The following C19orf47 variants were observed in gnomAD, a reference collection of about 807,000 sequenced individuals.
C19orf47 encodes the protein chromosome 19 open reading frame 47.
A neutral mutation model predicts 32.3 loss-of-function variants in C19orf47; 18 were observed. That is an observed-to-expected ratio of 0.56 (90% CI 0.39 to 0.83). The LOEUF (loss-of-function observed/expected upper bound fraction) is 0.83. C19orf47 is among the 40% of genes least tolerant of loss of function. The pLI, the probability that C19orf47 is intolerant of heterozygous loss-of-function variation, is 0.00. For synonymous variants in C19orf47, 202 were observed against 211.1 expected (o/e 0.96, Z 0.37); for missense variants, 484 against 531.6 (o/e 0.91, Z 0.88).
At chr19:40,308,392 T>C in the C19orf47 span, among the ~76,000 whole-genome samples, 1 of 151,406 alleles carries the variant, frequency 6.6e-6, no homozygotes, top group East Asian at 2.0e-4. Context: ...CCTGACCTGG[T>C]GATCTGCCCG....
At chr19:40,331,685 G>A (rs1163042656) in intron 5 of C19orf47, among the ~76,000 whole-genome samples, 1 of 152,016 alleles carries the variant, frequency 6.6e-6, no homozygotes, top group Non-Finnish European at 1.5e-5. Context: ...GTTTTGGGCG[G>A]CTTAGTTATC....
chr19:40,323,864 T>A, intron 8 of C19orf47, 142 bp downstream of exon 8: 1 of 1,039,082 alleles, frequency 9.6e-7, no homozygotes, highest in Admixed American at 1.8e-5. Flanking sequence ...AAGCCGCCAG[T>A]GCAAAGCCAG....
the C19orf47 span, among the ~76,000 whole-genome samples, chr19:40,296,051 A>G: frequency 3.3e-5 from 5 of 151,858 alleles, no homozygotes; most frequent in African/African-American, 1.2e-4. Context: ...TGGCCCACTC[A>G]TGTAAATTAA....
the C19orf47 span, among the ~76,000 whole-genome samples, chr19:40,294,300 A>G: frequency 6.6e-6 from 1 of 152,226 alleles, no homozygotes; most frequent in Non-Finnish European, 1.5e-5. Flanking sequence ...CTCTGCCTGT[A>G]GAGTCCAGCG....
At position 40,321,911 on chromosome 19, in the gene C19orf47, A is replaced by G; in HGVS notation, c.1129T>C (p.Phe377Leu). The G allele has an allele frequency of 6.2e-7, 1 of 1,609,206 alleles. No individual in the cohort carries two copies. Among genetic ancestry groups the G allele is most frequent in the Non-Finnish European group, 8.5e-7 (1 of 1,178,224 alleles). ...AAGGTCCTGCGGCCCAGTCTTTTGA[A>G]CACGCTCACAGTGCCCGCGTGGTCC... ...QMDHAGTVSV[F>L]KRLGRRTF Residue 377 changes from phenylalanine to leucine, a missense_variant, in exon 9 of 9, where the codon TTC (phenylalanine) becomes CTC (leucine). By Grantham distance (22) the Phe-to-Leu change is conservative. Coordinates refer to ENST00000683109, the MANE Select transcript of C19orf47 (RefSeq NM_001256441.2).
chr19:40,293,240 A>G, the C19orf47 span, among the ~76,000 whole-genome samples: 6 of 150,596 alleles, frequency 4.0e-5, no homozygotes, highest in African/African-American at 1.5e-4. Flanking sequence ...TCCCAGGTTC[A>G]AGCAATTCTC....
At position 40,321,208 on chromosome 19, in the gene C19orf47, G is replaced by C. The variant is rs954239229; in HGVS notation, c.*674C>G. 15 of 982,580 alleles carry C rather than the reference G, an allele frequency of 1.5e-5. No individual in the cohort carries two copies. The highest frequency in any genetic ancestry group is 1.8e-5 in the Non-Finnish European group (15 of 825,946). 60.9% of individuals were successfully genotyped at this position (982,580 alleles called of 1,614,324 possible). A position where few individuals can be genotyped will look rare whatever the true frequency, so the allele number is the denominator to read the frequency against. The stretch of plus-strand genomic sequence containing the variant: ...GGAAAACGGATGCGCCTCAGCCGCA[G>C]CCCAGGGTCTGGAGAGGTCCCTCCA... On this transcript the variant is annotated 3_prime_UTR_variant, in exon 9 of 9. Coordinates refer to ENST00000683109, the MANE Select transcript of C19orf47 (RefSeq NM_001256441.2).
chr19:40,318,442 G>A (rs1353503990), downstream of C19orf47, among the ~76,000 whole-genome samples: 1 of 152,018 alleles, frequency 6.6e-6, no homozygotes, highest in Non-Finnish European at 1.5e-5. Flanking sequence ...ACCTATATAT[G>A]TTTTTATATC....
intron 1 of C19orf47, among the ~76,000 whole-genome samples, chr19:40,345,555 A>C (rs1197410117): frequency 2.0e-5 from 3 of 151,280 alleles, no homozygotes; most frequent in East Asian, 1.9e-4. Flanking sequence ...AAAAAAAAAA[A>C]AAAAAACTGG....
At chr19:40,324,362 G>C (rs2077785180) in intron 7 of C19orf47, 2 of 471,074 alleles carry the variant, frequency 4.2e-6, no homozygotes, top group African/African-American at 1.9e-5. Context: ...GTGCCTGCAT[G>C]TTCCTTTCAC....
intron 7 of C19orf47, among the ~76,000 whole-genome samples, chr19:40,326,102 C>T (rs1203188873): frequency 6.6e-6 from 1 of 152,216 alleles, no homozygotes; most frequent in Non-Finnish European, 1.5e-5. Context: ...TGCTCCTGCC[C>T]CTTGGGGAAG....
At chr19:40,328,602 T>G in intron 5 of C19orf47, 52 bp from the exon 6 acceptor site, 1 of 1,557,468 alleles carries the variant, frequency 6.4e-7, no homozygotes, top group Middle Eastern at 1.8e-4. Flanking sequence ...AAGACAGGCC[T>G]CAATCCAGCA....
the C19orf47 span, among the ~76,000 whole-genome samples, chr19:40,312,291 T>TA: frequency 1.2e-4 from 18 of 152,086 alleles, no homozygotes; most frequent in Admixed American, 9.8e-4. Context: ...CTCACGCCTG[T>TA]AATCCCAGCA....
rs1254588307 is a variant in C19orf47, at chr19:40,335,054, GAGGGAGGA to G, written c.222+1048_222+1055del. On this transcript the variant is annotated intron_variant, in intron 4 of 8. Coordinates refer to ENST00000683109, the MANE Select transcript of C19orf47 (RefSeq NM_001256441.2). ...GGAGGGAAGGAGGGAGGGAGGGAGG[GAGGGAGGA>G]AGGGAGGGAGGGAGACAGTGCCTGG... 7 of 125,780 alleles carry G rather than the reference GAGGGAGGA, an allele frequency of 5.6e-5. No individual in the cohort carries two copies. In the East Asian group the frequency reaches 2.0e-3, roughly 36 times the overall value. 7.8% of individuals were successfully genotyped at this position (125,780 alleles called of 1,614,324 possible).
the C19orf47 span, among the ~76,000 whole-genome samples, chr19:40,298,736 A>G: frequency 6.6e-6 from 1 of 152,172 alleles, no homozygotes; most frequent in Non-Finnish European, 1.5e-5. Context: ...TGTACAAGGA[A>G]AGTAAGATGT....
chr19:40,335,990 T>G (rs2078057026), intron 4 of C19orf47, 120 bp downstream of exon 4: 1 of 809,408 alleles, frequency 1.2e-6, no homozygotes, highest in Non-Finnish European at 2.0e-6. Flanking sequence ...AGCAAATGGC[T>G]GAACCAGCCC....
intron 2 of C19orf47, among the ~76,000 whole-genome samples, chr19:40,337,322 A>ATTATTATTATTATTATT (rs1568621554): frequency 3.3e-5 from 5 of 149,792 alleles, no homozygotes; most frequent in African/African-American, 1.2e-4. Flanking sequence ...TATTATTATT[A>ATTATTATTATTATTATT]CTATTACTCC....
At chr19:40,308,209 G>A in the C19orf47 span, among the ~76,000 whole-genome samples, 1 of 151,982 alleles carries the variant, frequency 6.6e-6, no homozygotes, top group East Asian at 1.9e-4. Flanking sequence ...AGGCTGGAGT[G>A]CAGTGACACA....
At chr19:40,325,782 A>T (rs2077816768) in intron 7 of C19orf47, among the ~76,000 whole-genome samples, 1 of 152,204 alleles carries the variant, frequency 6.6e-6, no homozygotes, top group Non-Finnish European at 1.5e-5. Context: ...GTATCATCTG[A>T]AAGTGCTGGA....
Sources: allele counts gnomAD v4.1 joint callset (sites outside exome capture counted in the v4.1 genomes callset), GRCh38; gene constraint gnomAD v4.1.1; transcripts MANE v1.5; gene names NCBI Gene and HGNC (gene_info 2026-07-23, HGNC 2026-07-21).